Variants in SLC4A4 observed in about 807,000 individuals in gnomAD.
SLC4A4 encodes the protein solute carrier family 4 member 4.
Under a neutral mutation model 111.5 loss-of-function variants are expected in SLC4A4, and 27 were observed. That is an observed-to-expected ratio of 0.24 (90% CI 0.18 to 0.33). The LOEUF (loss-of-function observed/expected upper bound fraction) is 0.33, where lower values mean the gene tolerates loss of function less well. Among genes scored for constraint, SLC4A4 ranks in the 10% least tolerant of loss-of-function variants. SLC4A4 has a pLI of 1.00. For synonymous variants in SLC4A4, 443 were observed against 463.4 expected (o/e 0.96, Z 0.57); for missense variants, 909 against 1,315.5 (o/e 0.69, Z 4.78).
chr4:71,204,852 G>C (rs1391535422), intron 1 of SLC4A4, among the ~76,000 whole-genome samples: 1 of 152,150 alleles, frequency 6.6e-6, no homozygotes, highest in Non-Finnish European at 1.5e-5. Flanking sequence ...TATTGAGGAT[G>C]AACTTATATA....
At chr4:71,337,272 A>G (rs1245657620) in intron 3 of SLC4A4, among the ~76,000 whole-genome samples, 4 of 152,220 alleles carry the variant, frequency 2.6e-5, no homozygotes, top group Non-Finnish European at 4.4e-5. Context: ...ATGTACACAT[A>G]TCAGACTGAG....
At chr4:71,527,231 G>C (rs896607438) in intron 16 of SLC4A4, among the ~76,000 whole-genome samples, 3 of 152,074 alleles carry the variant, frequency 2.0e-5, no homozygotes, top group Admixed American at 6.6e-5. Context: ...GAAGCAGGAA[G>C]ACTATGTAGG....
At position 71,571,276 on chromosome 4, in the gene SLC4A4, T is replaced by C. The variant is rs547255072; in HGVS notation, c.*3525T>C. 6.6e-6 allele frequency: 1 copy of C among 152,440 alleles called. No homozygotes were observed. The highest frequency in any genetic ancestry group is 1.5e-5 in the Non-Finnish European group (1 of 67,882). 9.4% of individuals were successfully genotyped at this position (152,440 alleles called of 1,614,324 possible). A position where few individuals can be genotyped will look rare whatever the true frequency, so the allele number is the denominator to read the frequency against. On this transcript the variant is annotated 3_prime_UTR_variant, in exon 26 of 26. Coordinates refer to ENST00000264485, the MANE Select transcript of SLC4A4 (RefSeq NM_001098484.3). Reference sequence around the variant, plus strand: ...AAGCCTTCTTCAATCCTTTTCATACTACTTAATGATTTTGGTGCAGGAACC... The same window carrying C: ...AAGCCTTCTTCAATCCTTTTCATACCACTTAATGATTTTGGTGCAGGAACC...
At chr4:71,078,863 G>T (rs1312979027) in intron 1 of SLC4A4, among the ~76,000 whole-genome samples, 2 of 151,926 alleles carry the variant, frequency 1.3e-5, no homozygotes, top group African/African-American at 2.4e-5. Context: ...CTGTTGCCCA[G>T]GTTGGAGTGC....
chr4:71,554,110 G>T (rs1217999860), intron 20 of SLC4A4, among the ~76,000 whole-genome samples: 3 of 151,820 alleles, frequency 2.0e-5, no homozygotes, highest in Non-Finnish European at 4.4e-5. Context: ...AACTACTTTA[G>T]GCAATCACAA....
At chr4:71,269,872 C>T (rs957778303) in intron 3 of SLC4A4, among the ~76,000 whole-genome samples, 36 of 152,064 alleles carry the variant, frequency 2.4e-4, no homozygotes, top group Non-Finnish European at 5.9e-5. Flanking sequence ...TGATGGTGGG[C>T]AAGTAATTTG....
intron 6 of SLC4A4, among the ~76,000 whole-genome samples, chr4:71,370,599 G>C (rs1459129749): frequency 2.0e-5 from 3 of 152,072 alleles, no homozygotes. Context: ...CTATAAAACT[G>C]AGTTAATCTT....
At chr4:71,471,327 T>C (rs1314885348) in intron 13 of SLC4A4, among the ~76,000 whole-genome samples, 1 of 151,984 alleles carries the variant, frequency 6.6e-6, no homozygotes, top group Non-Finnish European at 1.5e-5. Context: ...CTAGGGTGTC[T>C]GACTTTCATT....
At chr4:71,160,807 A>C (rs762879872) in intron 2 of SLC4A4, among the ~76,000 whole-genome samples, 3 of 152,212 alleles carry the variant, frequency 2.0e-5, no homozygotes, top group Non-Finnish European at 4.4e-5. Context: ...CCACCACCTT[A>C]TAATTAAAAA....
chr4:71,091,740 CTA>C (rs1230899821), intron 1 of SLC4A4, among the ~76,000 whole-genome samples: 1 of 152,126 alleles, frequency 6.6e-6, no homozygotes, highest in Non-Finnish European at 1.5e-5. Context: ...TTGGGAAATA[CTA>C]CATGTCCCTA....
intron 8 of SLC4A4, 47 bp downstream of exon 8, chr4:71,440,820 T>C (rs1724647966): frequency 6.3e-7 from 1 of 1,592,786 alleles, no homozygotes; most frequent in Non-Finnish European, 8.6e-7. Context: ...AATAGGGTTA[T>C]CTCCTCCCAT....
intron 2 of SLC4A4, among the ~76,000 whole-genome samples, chr4:71,172,700 A>G (rs897769029): frequency 1.3e-5 from 2 of 152,220 alleles, no homozygotes; most frequent in Non-Finnish European, 2.9e-5. Context: ...TTTTTTGTAA[A>G]CAGAGATAAA....
chr4:71,144,050 G>C (rs1744090645), intron 2 of SLC4A4, among the ~76,000 whole-genome samples: 1 of 152,108 alleles, frequency 6.6e-6, no homozygotes, highest in African/African-American at 2.4e-5. Context: ...GTATTGCCTA[G>C]GTTTTCTTCC....
At chr4:71,269,869 G>A (rs1429818665) in intron 3 of SLC4A4, among the ~76,000 whole-genome samples, 1 of 152,126 alleles carries the variant, frequency 6.6e-6, no homozygotes, top group Non-Finnish European at 1.5e-5. Flanking sequence ...TTTTGATGGT[G>A]GGCAAGTAAT....
intron 24 of SLC4A4, among the ~76,000 whole-genome samples, chr4:71,564,144 G>A (rs1174637674): frequency 1.3e-5 from 2 of 151,312 alleles, no homozygotes; most frequent in African/African-American, 4.8e-5. Flanking sequence ...TTTTCCAATG[G>A]CTAAATTAAT....
chr4:71,358,244 G>C (rs1400980708), intron 6 of SLC4A4, among the ~76,000 whole-genome samples: 2 of 151,942 alleles, frequency 1.3e-5, no homozygotes, highest in Admixed American at 6.6e-5. Flanking sequence ...AAACCCGGGA[G>C]GGGGAGGTTG....
chr4:71,443,083 A>ACTCACTCTCTCTCT (rs1491221930), intron 8 of SLC4A4, among the ~76,000 whole-genome samples: 2 of 31,436 alleles, frequency 6.4e-5, no homozygotes, highest in African/African-American at 3.9e-4. Context: ...AGAGGCCACT[A>ACTCACTCTCTCTCT]CTCTCTCTCT....
At chr4:71,336,242 C>T (rs142542859) in intron 3 of SLC4A4, among the ~76,000 whole-genome samples, 1 of 152,086 alleles carries the variant, frequency 6.6e-6, no homozygotes, top group Non-Finnish European at 1.5e-5. Flanking sequence ...TTTAAATATG[C>T]CTGTATATGT....
intron 6 of SLC4A4, among the ~76,000 whole-genome samples, chr4:71,381,199 C>G (rs936718863): frequency 6.6e-6 from 1 of 152,144 alleles, no homozygotes; most frequent in African/African-American, 2.4e-5. Flanking sequence ...ATCAATTCAA[C>G]TATAATGACA....
Sources: gnomAD v4.1 joint callset for allele counts (sites outside exome capture counted in the v4.1 genomes callset) on GRCh38, gnomAD v4.1.1 for gene constraint, MANE v1.5 for transcripts, NCBI Gene and HGNC (gene_info 2026-07-23, HGNC 2026-07-21) for gene names.